The following POU6F2 variants were observed in gnomAD, a reference collection of about 807,000 sequenced individuals.
The protein encoded by POU6F2 is POU domain, class 6, transcription factor 2.
POU6F2 carries 31 observed loss-of-function variants against 71.3 expected under a neutral mutation model. That is an observed-to-expected ratio of 0.43 (90% CI 0.33 to 0.59). The LOEUF (loss-of-function observed/expected upper bound fraction) is 0.59. Ranked by LOEUF, POU6F2 falls within the 20% of genes least tolerant of loss-of-function variation. The probability of loss-of-function intolerance (pLI) is 0.04; values close to 1 mark genes in which losing one functional copy is unlikely to be tolerated. For missense variants in POU6F2, 783 were observed against 856.8 expected, an observed-to-expected ratio of 0.91 and a Z score of 1.07; for synonymous variants, 347 against 355.7, an observed-to-expected ratio of 0.98 and a Z score of 0.27.
intron 2 of POU6F2, among the ~76,000 whole-genome samples, chr7:39,088,919 T>TGGATAAACAAA (rs1457127410): frequency 1.3e-5 from 2 of 152,184 alleles, no homozygotes; most frequent in African/African-American, 4.8e-5. Context: ...ATGCCCTCTA[T>TGGATAAACAAA]GGATAAACAA....
intron 2 of POU6F2, among the ~76,000 whole-genome samples, chr7:39,099,767 G>A (rs983515233): frequency 1.3e-5 from 2 of 152,174 alleles, no homozygotes; most frequent in Non-Finnish European, 2.9e-5. Context: ...GCACATGGTG[G>A]TGTTTAATAA....
At chr7:39,192,369 G>A (rs1251767938) in intron 2 of POU6F2, among the ~76,000 whole-genome samples, 1 of 152,100 alleles carries the variant, frequency 6.6e-6, no homozygotes, top group African/African-American at 2.4e-5. Flanking sequence ...ATTTAAAGTG[G>A]TGCTTTGGCT....
chr7:39,420,063 C>A (rs1178783165), intron 6 of POU6F2, among the ~76,000 whole-genome samples: 3 of 152,160 alleles, frequency 2.0e-5, no homozygotes, highest in Admixed American at 6.5e-5. Flanking sequence ...TTCCCATCTG[C>A]CTTCAGTAAA....
chr7:39,156,459 T>C (rs1792871769), intron 2 of POU6F2, among the ~76,000 whole-genome samples: 1 of 152,144 alleles, frequency 6.6e-6, no homozygotes, highest in Admixed American at 6.5e-5. Flanking sequence ...ATTGAGATAA[T>C]ATATAAAAAG....
chr7:39,169,412 A>G (rs907948887), intron 2 of POU6F2, among the ~76,000 whole-genome samples: 1 of 152,356 alleles, frequency 6.6e-6, no homozygotes, highest in Middle Eastern at 3.4e-3. Flanking sequence ...CAACACGCCC[A>G]TAAAGTGTCT....
chr7:39,202,554 A>G (rs1454814908), intron 2 of POU6F2, among the ~76,000 whole-genome samples: 1 of 152,216 alleles, frequency 6.6e-6, no homozygotes, highest in Non-Finnish European at 1.5e-5. Flanking sequence ...TCTTTGAAGT[A>G]CATAAATTTC....
intron 6 of POU6F2, among the ~76,000 whole-genome samples, chr7:39,417,940 TAA>T (rs1160713557): frequency 9.2e-5 from 14 of 152,366 alleles, no homozygotes; most frequent in African/African-American, 3.4e-4. Flanking sequence ...ATAGCAATAA[TAA>T]ATTAATATGT....
chr7:39,160,911 A>T (rs1175149870), intron 2 of POU6F2, among the ~76,000 whole-genome samples: 1 of 152,176 alleles, frequency 6.6e-6, no homozygotes, highest in East Asian at 1.9e-4. Context: ...TGCCAAACAC[A>T]GTGTTTTGCA....
chr7:39,192,485 G>A (rs1793689725), intron 2 of POU6F2, among the ~76,000 whole-genome samples: 1 of 152,188 alleles, frequency 6.6e-6, no homozygotes, highest in Non-Finnish European at 1.5e-5. Context: ...ATATGGATAT[G>A]GAAGGAGAAA....
In POU6F2 at chr7:39,460,263, G is replaced by A. The variant is rs1318442097; in HGVS notation, c.1490-284G>A. 1.3e-5 allele frequency among the ~76,000 whole-genome samples: 2 copies of A among 152,174 alleles called. No individual in the cohort carries two copies. Among genetic ancestry groups the A allele is most frequent in the African/African-American group, 4.8e-5 (2 of 41,430 alleles). ...TGCCTCCCAGTGCTGGCTGTTATTT[G>A]TTAAGCCCTAAGGAACATGCTCTGG... is the stretch of plus-strand genomic sequence containing the variant. On this transcript the variant is annotated intron_variant, in intron 8 of 9. Coordinates refer to ENST00000518318, the MANE Select transcript of POU6F2 (RefSeq NM_001370959.1). This position sits in a 1 kb window ranked among gnomAD's most constrained non-coding sequence, Gnocchi z 4.4.
chr7:39,350,279 T>A (rs916739148), intron 5 of POU6F2, among the ~76,000 whole-genome samples: 7 of 152,154 alleles, frequency 4.6e-5, no homozygotes, highest in Admixed American at 1.3e-4. Flanking sequence ...TCTCTGTCCT[T>A]GTATTTTGAT....
chr7:39,185,016 G>A (rs1200831091), intron 2 of POU6F2, among the ~76,000 whole-genome samples: 2 of 152,156 alleles, frequency 1.3e-5, no homozygotes, highest in African/African-American at 4.8e-5. Context: ...TTTGTATACG[G>A]AAGACTCAAT....
intron 2 of POU6F2, among the ~76,000 whole-genome samples, chr7:39,162,151 G>A (rs141389258): frequency 1.3e-5 from 2 of 152,308 alleles, no homozygotes; most frequent in Non-Finnish European, 2.9e-5. Context: ...AGAACACAGA[G>A]AGCCTAAGTG....
intron 5 of POU6F2, among the ~76,000 whole-genome samples, chr7:39,392,384 G>C (rs1268766921): frequency 6.6e-6 from 1 of 152,214 alleles, no homozygotes; most frequent in Non-Finnish European, 1.5e-5. Flanking sequence ...TGAAGCTGAT[G>C]TGATTCATTC....
intron 4 of POU6F2, among the ~76,000 whole-genome samples, chr7:39,255,719 G>T (rs1328077883): frequency 6.6e-6 from 1 of 152,198 alleles, no homozygotes; most frequent in Non-Finnish European, 1.5e-5. Flanking sequence ...AACGACCCTG[G>T]GTGAGGAAAG....
At chr7:39,198,109 T>C (rs2128744481) in intron 2 of POU6F2, among the ~76,000 whole-genome samples, 1 of 152,204 alleles carries the variant, frequency 6.6e-6, no homozygotes, top group East Asian at 1.9e-4. Flanking sequence ...AATGAGACCT[T>C]TATTGGGCTG....
At chr7:39,219,048 C>T (rs545671017) in intron 4 of POU6F2, among the ~76,000 whole-genome samples, 37 of 152,244 alleles carry the variant, frequency 2.4e-4, no homozygotes, top group Admixed American at 1.8e-3. Flanking sequence ...GCTAAGGAAG[C>T]GTTTTCAACT....
At chr7:39,287,352 T>G (rs1436675148) in intron 4 of POU6F2, among the ~76,000 whole-genome samples, 4 of 152,126 alleles carry the variant, frequency 2.6e-5, no homozygotes, top group Non-Finnish European at 5.9e-5. Flanking sequence ...CCCGGTTCCC[T>G]CCCCTGGATT....
chr7:39,306,501 T>C (rs1785051464), intron 4 of POU6F2, among the ~76,000 whole-genome samples: 1 of 152,176 alleles, frequency 6.6e-6, no homozygotes, highest in African/African-American at 2.4e-5. Flanking sequence ...CTCTCCCAGC[T>C]ACGCCATCCT....
Sources: allele counts gnomAD v4.1 joint callset (sites outside exome capture counted in the v4.1 genomes callset), GRCh38; gene constraint gnomAD v4.1.1; non-coding constraint Gnocchi (gnomAD v3.1); transcripts MANE v1.5; gene names NCBI Gene and HGNC (gene_info 2026-07-23, HGNC 2026-07-21).